Variants in CADPS observed in about 807,000 individuals in gnomAD.
CADPS encodes the protein calcium dependent secretion activator.
A neutral mutation model predicts 167.3 loss-of-function variants in CADPS; 57 were observed. The ratio of observed to expected loss-of-function variants is 0.34; its 90% CI spans 0.28 to 0.42. The LOEUF (loss-of-function observed/expected upper bound fraction) is 0.42. CADPS is among the 20% of genes least tolerant of loss of function. The pLI is 1.00. For synonymous variants in CADPS, 676 were observed against 635.3 expected, an observed-to-expected ratio of 1.06 and a Z score of -0.96; for missense variants, 1,414 against 1,738.1, an observed-to-expected ratio of 0.81 and a Z score of 3.32.
chr3:62,856,252 T>C (rs1217117737), intron 1 of CADPS, among the ~76,000 whole-genome samples: 2 of 152,260 alleles, frequency 1.3e-5, no homozygotes, highest in East Asian at 3.9e-4. Context: ...GATCAACTAG[T>C]AAATGTTACA....
At chr3:62,482,997 T>C (rs984469194) in intron 21 of CADPS, among the ~76,000 whole-genome samples, 6 of 152,002 alleles carry the variant, frequency 3.9e-5, no homozygotes, top group African/African-American at 1.5e-4. Context: ...ACTGTATTTC[T>C]TTGGAAGGAC....
chr3:62,652,263 C>G (rs1234874267), intron 4 of CADPS, among the ~76,000 whole-genome samples: 2 of 152,006 alleles, frequency 1.3e-5, no homozygotes. Flanking sequence ...GGCCATATTA[C>G]TGGCCAATTT....
At chr3:62,821,076 G>A (rs1451186415) in intron 1 of CADPS, among the ~76,000 whole-genome samples, 1 of 152,160 alleles carries the variant, frequency 6.6e-6, no homozygotes, top group Admixed American at 6.5e-5. Context: ...TGGGATTACA[G>A]GCGTAAGCCA....
intron 3 of CADPS, among the ~76,000 whole-genome samples, chr3:62,726,163 G>C (rs1022052106): frequency 2.0e-5 from 3 of 151,832 alleles, no homozygotes; most frequent in African/African-American, 7.3e-5. Context: ...TTGGGTAATT[G>C]AAGGATGGAG....
At chr3:62,624,321 C>T (rs186347704) in intron 6 of CADPS, among the ~76,000 whole-genome samples, 12 of 152,254 alleles carry the variant, frequency 7.9e-5, no homozygotes, top group Non-Finnish European at 1.5e-4. Flanking sequence ...TGAATCTCTT[C>T]TCCTCATTCC....
In CADPS at chr3:62,626,602, G is replaced by T. The variant is rs1272637084; in HGVS notation, c.1325+19120C>A. 24 of 700,532 alleles carry T rather than the reference G, an allele frequency of 3.4e-5. No individual in the cohort carries two copies. The Admixed American group carries it at 4.4e-4, about 13-fold the overall frequency. The allele number at this position is 700,532 out of a possible 1,614,324, so 43.4% of individuals were successfully genotyped here. A position where few individuals can be genotyped will look rare whatever the true frequency, so the allele number is the denominator to read the frequency against. On this transcript the variant is annotated intron_variant, in intron 6 of 29. Coordinates refer to ENST00000383710, the MANE Select transcript of CADPS (RefSeq NM_003716.4). ...GGAAGAAGTTCTCAGTGTGAAGGAAGAACGTCTTAAATTTGCTAAGCCTTT... is the reference window on the plus strand; with the variant it reads ...GGAAGAAGTTCTCAGTGTGAAGGAATAACGTCTTAAATTTGCTAAGCCTTT...
At chr3:62,733,916 C>G (rs900824259) in intron 3 of CADPS, among the ~76,000 whole-genome samples, 6 of 152,152 alleles carry the variant, frequency 3.9e-5, no homozygotes, top group Non-Finnish European at 8.8e-5. Flanking sequence ...CAGCTTAACT[C>G]CCACGTAAAA....
intron 10 of CADPS, among the ~76,000 whole-genome samples, chr3:62,552,728 T>C (rs1458940958): frequency 1.3e-5 from 2 of 152,320 alleles, no homozygotes; most frequent in East Asian, 3.9e-4. Context: ...GTATTGATAG[T>C]TTTGCACTTG....
intron 3 of CADPS, among the ~76,000 whole-genome samples, chr3:62,690,573 C>A (rs950356055): frequency 1.3e-5 from 2 of 151,788 alleles, no homozygotes; most frequent in Non-Finnish European, 2.9e-5. Flanking sequence ...CGGACTGTCC[C>A]TGTGTCCATG....
chr3:62,483,584 A>C (rs1470310465), intron 21 of CADPS, among the ~76,000 whole-genome samples: 1 of 152,124 alleles, frequency 6.6e-6, no homozygotes, highest in Non-Finnish European at 1.5e-5. Context: ...TGTCCTTTAC[A>C]CCTCACATTT....
At chr3:62,782,175 A>G (rs66482021) in intron 1 of CADPS, among the ~76,000 whole-genome samples, 49,075 of 151,908 alleles carry the variant, frequency 0.32, 8,286 homozygotes, top group Middle Eastern at 0.44. Flanking sequence ...ACCAGGGGGG[A>G]AAAAAGACAT....
In CADPS at chr3:62,623,611, A is replaced by T. The variant is rs148805956; in HGVS notation, c.1325+22111T>A. Among the ~76,000 whole-genome samples, 32 of 152,288 alleles carry T rather than the reference A, an allele frequency of 2.1e-4. No homozygotes were observed. In the East Asian group the frequency reaches 5.6e-3, roughly 27 times the overall value. On this transcript the variant is annotated intron_variant, in intron 6 of 29. Transcript: ENST00000383710. ...TACAATAAATTCCTAGTCCTTCTGC[A>T]TGCTAGCTGTACCTTGGTCCCTATT...
chr3:62,530,027 G>A (rs1026734471), intron 13 of CADPS, among the ~76,000 whole-genome samples: 1 of 152,074 alleles, frequency 6.6e-6, no homozygotes, highest in African/African-American at 2.4e-5. Flanking sequence ...CGCAAAGAAA[G>A]GACATAGGAA....
chr3:62,725,903 G>C (rs1285093801), intron 3 of CADPS, among the ~76,000 whole-genome samples: 1 of 151,682 alleles, frequency 6.6e-6, no homozygotes, highest in Non-Finnish European at 1.5e-5. Context: ...TCAAACACAG[G>C]GTAACTGAGG....
chr3:62,744,046 G>A (rs956594927), intron 3 of CADPS, among the ~76,000 whole-genome samples: 1 of 152,120 alleles, frequency 6.6e-6, no homozygotes, highest in African/African-American at 2.4e-5. Flanking sequence ...TCCAAGCTTT[G>A]TTGCTGACTG....
At chr3:62,641,886 C>A (rs2067491499) in intron 6 of CADPS, among the ~76,000 whole-genome samples, 1 of 152,018 alleles carries the variant, frequency 6.6e-6, no homozygotes, top group Admixed American at 6.6e-5. Context: ...TTTTTTCCAA[C>A]CACAAAGTAT....
At chr3:62,668,385 C>A (rs949979341) in intron 3 of CADPS, among the ~76,000 whole-genome samples, 1 of 152,088 alleles carries the variant, frequency 6.6e-6, no homozygotes, top group Non-Finnish European at 1.5e-5. Context: ...GCACCACATC[C>A]TCCCCCAGTA....
chr3:62,776,712 T>C (rs533669956), intron 1 of CADPS, among the ~76,000 whole-genome samples: 43 of 152,176 alleles, frequency 2.8e-4, no homozygotes, highest in Admixed American at 2.6e-3. Context: ...GAATGAGTTC[T>C]GGGGGTTAGC....
intron 3 of CADPS, among the ~76,000 whole-genome samples, chr3:62,748,418 T>C (rs2082014310): frequency 6.7e-6 from 1 of 149,398 alleles, no homozygotes; most frequent in South Asian, 2.1e-4. Context: ...ATTTGAGGTA[T>C]TTTTCAAGGG....
Sources: allele counts gnomAD v4.1 joint callset (sites outside exome capture counted in the v4.1 genomes callset), GRCh38; gene constraint gnomAD v4.1.1; transcripts MANE v1.5; gene names NCBI Gene and HGNC (gene_info 2026-07-23, HGNC 2026-07-21).